Variants in RDX observed in about 807,000 individuals in gnomAD.
RDX encodes deafness, autosomal recessive 24.
In RDX, 32 loss-of-function variants were observed where a neutral mutation model predicts 83.7. That is an observed-to-expected ratio of 0.38 (90% CI 0.29 to 0.51). RDX has a LOEUF of 0.51. Ranked by LOEUF, RDX falls within the 20% of genes least tolerant of loss-of-function variation. The pLI is 0.87. For synonymous variants in RDX, 229 were observed against 222.7 expected, an observed-to-expected ratio of 1.03 and a Z score of -0.25; for missense variants, 600 against 689.9, an observed-to-expected ratio of 0.87 and a Z score of 1.46.
At chr11:110,179,993 A>G in intron 15 of RDX, 2 of 347,000 alleles carry the variant, frequency 5.8e-6, no homozygotes, top group Non-Finnish European at 1.1e-5. Context: ...CCTCCGCCTC[A>G]CAGGTTCAAG....
At chr11:110,186,398 T>C (rs1416104414) in intron 15 of RDX, among the ~76,000 whole-genome samples, 2 of 152,136 alleles carry the variant, frequency 1.3e-5, no homozygotes, top group Admixed American at 1.3e-4. Context: ...ATGCATTTTT[T>C]GGTATCTGAA....
chr11:110,196,523 ACT>A (rs1226122906), intron 15 of RDX, among the ~76,000 whole-genome samples: 2 of 152,032 alleles, frequency 1.3e-5, no homozygotes, highest in Admixed American at 1.3e-4. Flanking sequence ...CGGTATAAAC[ACT>A]CTCTCTTTCA....
At chr11:110,284,716 G>A (rs1273489787) in intron 1 of RDX, among the ~76,000 whole-genome samples, 3 of 151,814 alleles carry the variant, frequency 2.0e-5, no homozygotes, top group Non-Finnish European at 4.4e-5. Flanking sequence ...GTAGAGACGG[G>A]GTTTCACCGT....
chr11:110,228,190 CA>C (rs1175034664), downstream of RDX, among the ~76,000 whole-genome samples: 2 of 152,000 alleles, frequency 1.3e-5, no homozygotes, highest in African/African-American at 4.8e-5. Flanking sequence ...TAATCTTTAA[CA>C]TATGGAACAT....
At chr11:110,227,688 ATCCTAATCTTGCTTCTAAG>A (rs982022656), downstream of RDX, among the ~76,000 whole-genome samples, 1 of 152,154 alleles carries the variant, frequency 6.6e-6, no homozygotes, top group African/African-American at 2.4e-5. Flanking sequence ...GGTCACAATC[ATCCTAATCTTGCTTCTAAG>A]TCCTTGAATA....
At chr11:110,238,689 T>C (rs924503847) in intron 10 of RDX, among the ~76,000 whole-genome samples, 4 of 150,946 alleles carry the variant, frequency 2.6e-5, no homozygotes, top group African/African-American at 9.7e-5. Context: ...TTTGGGTGAC[T>C]GAGGTGGGTG....
chr11:110,241,474 T>C (rs534595759), intron 10 of RDX, among the ~76,000 whole-genome samples: 1 of 152,216 alleles, frequency 6.6e-6, no homozygotes, highest in African/African-American at 2.4e-5. Context: ...TTTTTTTATT[T>C]TTAGTAGAGA....
In RDX at chr11:110,233,060, T is replaced by C. The variant is rs1864702085; in HGVS notation, c.1587+177A>G. ...TTATACAAAGCTAACAGGTATTTGC[T>C]AATGGGTTCACACAACGGAAGAAAT... On this transcript the variant is annotated intron_variant, in intron 13 of 13. Coordinates refer to ENST00000645495, the MANE Select transcript of RDX (RefSeq NM_002906.4). Among the ~76,000 whole-genome samples the C allele has an allele frequency of 2.6e-5, 4 of 152,348 alleles. No individual in the cohort carries two copies. In the South Asian group the frequency reaches 8.3e-4, roughly 32 times the overall value.
intron 14 of RDX, among the ~76,000 whole-genome samples, chr11:110,207,618 C>T (rs1863653720): frequency 6.6e-6 from 1 of 151,592 alleles, no homozygotes; most frequent in South Asian, 2.1e-4. Flanking sequence ...ATGTTTTTTA[C>T]CTTTTTTTTT....
At chr11:110,274,560 C>T (rs1367451253) in intron 2 of RDX, among the ~76,000 whole-genome samples, 1 of 152,110 alleles carries the variant, frequency 6.6e-6, no homozygotes, top group Non-Finnish European at 1.5e-5. Flanking sequence ...GGCAGAATCC[C>T]AGCTCACCGC....
intron 10 of RDX, among the ~76,000 whole-genome samples, chr11:110,239,842 A>T (rs7933655): frequency 0.39 from 54,763 of 140,700 alleles, 10,173 homozygotes; most frequent in East Asian, 0.63. Context: ...CTCTGTTTTT[A>T]AAAAAAAAAA....
chr11:110,264,895 A>C (rs746634101), intron 3 of RDX, 21 bp from the exon 4 acceptor site: 12 of 1,589,270 alleles, frequency 7.6e-6, no homozygotes, highest in East Asian at 6.7e-5. Context: ...ACAACAACAA[A>C]AAAACACAAT....
chr11:110,232,512 C>G (rs114724277), intron 13 of RDX, among the ~76,000 whole-genome samples: 3 of 151,964 alleles, frequency 2.0e-5, no homozygotes, highest in Non-Finnish European at 4.4e-5. Context: ...CTAGTTATGT[C>G]CATGTAATAT....
chr11:110,188,296 AAATAATAATAATAAT>A (rs34384486), intron 15 of RDX, among the ~76,000 whole-genome samples: 21 of 142,418 alleles, frequency 1.5e-4, no homozygotes, highest in East Asian at 6.1e-4. Flanking sequence ...CTCTGTCTCA[AAATAATAATAATAAT>A]AATAATAATA....
chr11:110,269,887 A>C (rs1167558417), intron 3 of RDX, among the ~76,000 whole-genome samples: 2 of 151,938 alleles, frequency 1.3e-5, no homozygotes, highest in Admixed American at 1.3e-4. Flanking sequence ...AAAATACAAA[A>C]AAAAATTAGC....
intron 15 of RDX, among the ~76,000 whole-genome samples, chr11:110,193,653 T>G (rs1410880761): frequency 2.6e-5 from 4 of 152,174 alleles, no homozygotes; most frequent in African/African-American, 9.6e-5. Context: ...GAAGACACTC[T>G]AAGAACAAAA....
At chr11:110,279,895 A>C in intron 1 of RDX, 139 bp from the exon 2 acceptor site, 2 of 519,286 alleles carry the variant, frequency 3.9e-6, no homozygotes, top group East Asian at 3.2e-5. Context: ...TCTCATTTTC[A>C]ATATCTTCTA....
At chr11:110,220,187 CAT>C (rs1864196363) in intron 14 of RDX, among the ~76,000 whole-genome samples, 1 of 152,106 alleles carries the variant, frequency 6.6e-6, no homozygotes, top group African/African-American at 2.4e-5. Flanking sequence ...GTAAACAAAA[CAT>C]ATTAAAAAAT....
chr11:110,243,540 T>C (rs1333439865), intron 10 of RDX, among the ~76,000 whole-genome samples: 1 of 151,988 alleles, frequency 6.6e-6, no homozygotes, highest in Non-Finnish European at 1.5e-5. Flanking sequence ...AACAAGTATA[T>C]AACCCTGTCT....
Sources: gnomAD v4.1 joint callset for allele counts (sites outside exome capture counted in the v4.1 genomes callset) on GRCh38, gnomAD v4.1.1 for gene constraint, MANE v1.5 for transcripts, NCBI Gene and HGNC (gene_info 2026-07-23, HGNC 2026-07-21) for gene names.